The following TBC1D20 variants were observed in gnomAD, a reference collection of about 807,000 sequenced individuals.
TBC1D20 encodes the protein chromosome 20 open reading frame 140.
In TBC1D20, 12 loss-of-function variants were observed where a neutral mutation model predicts 41.6. The ratio of observed to expected loss-of-function variants is 0.29; its 90% CI spans 0.18 to 0.47. The LOEUF (loss-of-function observed/expected upper bound fraction) is 0.47, where lower values mean the gene tolerates loss of function less well. Among genes scored for constraint, TBC1D20 ranks in the 20% least tolerant of loss-of-function variants. The pLI, the probability that TBC1D20 is intolerant of heterozygous loss-of-function variation, is 1.00. For synonymous variants in TBC1D20, 205 were observed against 204.8 expected (o/e 1.00, Z -0.01); for missense variants, 421 against 517.4 (o/e 0.81, Z 1.81).
intron 1 of TBC1D20, among the ~76,000 whole-genome samples, chr20:455,143 T>G (rs866519291): frequency 2.0e-5 from 3 of 152,186 alleles, no homozygotes; most frequent in Non-Finnish European, 4.4e-5. Context: ...AAACCTGTCC[T>G]CCTGGCTTGA....
intron 1 of TBC1D20, among the ~76,000 whole-genome samples, chr20:455,060 C>T (rs1258984046): frequency 6.6e-6 from 1 of 152,170 alleles, no homozygotes; most frequent in East Asian, 1.9e-4. Flanking sequence ...TAAACAGAGG[C>T]ACTAGCTGGT....
chr20:438,788 G>C lies in TBC1D20; in HGVS notation c.1010C>G (p.Pro337Arg), dbSNP rs758369569. ...DFELASAQQRPDMVLRQRFRG... is the reference protein window; with the variant it reads ...DFELASAQQRRDMVLRQRFRG... ...AAACCGCTGCCGCAGCACCATATCA[G>C]GCCTCTGCTGGGCTGATGCCAGCTC... Residue 337 changes from proline (P) to arginine (R), a missense_variant, in exon 8 of 8, where the codon CCT becomes CGT. Transcript: ENST00000354200. 7.4e-6 allele frequency: 12 copies of C among 1,614,222 alleles called. No individual in the cohort carries two copies. Among genetic ancestry groups the C allele is most frequent in the South Asian group, 1.1e-5 (1 of 91,084 alleles).
intron 1 of TBC1D20, among the ~76,000 whole-genome samples, chr20:461,923 G>T (rs1156932695): frequency 3.3e-5 from 5 of 152,274 alleles, no homozygotes; most frequent in Admixed American, 6.5e-5. Flanking sequence ...GCCGGCGACG[G>T]TGAATGCAGT....
chr20:452,520 G>C (rs1295875826), intron 1 of TBC1D20, among the ~76,000 whole-genome samples: 1 of 151,868 alleles, frequency 6.6e-6, no homozygotes, highest in Non-Finnish European at 1.5e-5. Flanking sequence ...AGGAGGCTGG[G>C]GCGAGAGGAT....
At position 457,864 on chromosome 20, in the gene TBC1D20, G is replaced by C. The variant is rs148844322; in HGVS notation, c.70+4472C>G. Among the ~76,000 whole-genome samples, 432 of 152,338 alleles carry C rather than the reference G, an allele frequency of 2.8e-3. 3 individuals carry two copies. The highest frequency in any genetic ancestry group is 9.9e-3 in the African/African-American group (413 of 41,572). ...GGGTCAAAAACATGCAGGAAACAGA[G>C]AAGCCTTTTTATATAACATCGGTGG... On this transcript the variant is annotated intron_variant, in intron 1 of 7. Transcript: ENST00000354200.
At chr20:448,102 G>A (rs773252400) in intron 1 of TBC1D20, 28 bp from the exon 2 acceptor site, 5 of 1,564,798 alleles carry the variant, frequency 3.2e-6, no homozygotes, top group East Asian at 2.3e-5. Context: ...GAAGAATTAG[G>A]CGCACATTCA....
rs201100995 is a variant in TBC1D20 at position 438,782 on chromosome 20, A to T, written c.1016T>A (p.Met339Lys). The T allele has an allele frequency of 1.9e-6, 3 of 1,614,222 alleles. No homozygotes were observed. The highest frequency in any genetic ancestry group is 1.7e-6 in the Non-Finnish European group (2 of 1,180,042). ...ELASAQQRPD[M>K]VLRQRFRGLL... Reference sequence around the variant, plus strand: ...TCCCCGAAACCGCTGCCGCAGCACCATATCAGGCCTCTGCTGGGCTGATGC... The same window carrying T: ...TCCCCGAAACCGCTGCCGCAGCACCTTATCAGGCCTCTGCTGGGCTGATGC... Residue 339 changes from methionine (M) to lysine (K), a missense_variant, in exon 8 of 8, where the codon ATG becomes AAG. Around this residue, in one of 3 missense-constraint regions of TBC1D20, gnomAD observed 161 missense variants for 182.7 expected, o/e 0.88. Transcript: ENST00000354200.
intron 1 of TBC1D20, among the ~76,000 whole-genome samples, chr20:457,092 A>G (rs1042723487): frequency 1.1e-4 from 16 of 151,592 alleles, no homozygotes; most frequent in Non-Finnish European, 1.8e-4. Flanking sequence ...ATGCACCACC[A>G]TGCCTGGCTA....
At chr20:457,733 G>A (rs544625678) in intron 1 of TBC1D20, among the ~76,000 whole-genome samples, 7 of 152,298 alleles carry the variant, frequency 4.6e-5, no homozygotes, top group African/African-American at 7.2e-5. Context: ...GATTCATCCC[G>A]CAAAGGAGTC....
intron 1 of TBC1D20, among the ~76,000 whole-genome samples, chr20:457,214 G>A (rs1568466959): frequency 6.6e-6 from 1 of 151,940 alleles, no homozygotes; most frequent in Non-Finnish European, 1.5e-5. Context: ...AGGATTACAG[G>A]CATGAGCCAC....
intron 1 of TBC1D20, among the ~76,000 whole-genome samples, chr20:448,414 G>A (rs759724846): frequency 2.0e-5 from 3 of 152,150 alleles, no homozygotes; most frequent in Non-Finnish European, 2.9e-5. Context: ...GTGTCGGCTG[G>A]GTGTGGTGGC....
chr20:460,910 T>C (rs1472671829), intron 1 of TBC1D20, among the ~76,000 whole-genome samples: 1 of 151,224 alleles, frequency 6.6e-6, no homozygotes, highest in Non-Finnish European at 1.5e-5. Context: ...ACAAGACCCA[T>C]GCTGCCTAGG....
Position 435,598 on chromosome 20 carries a change from G to A in TBC1D20, c.*2988C>T, listed in dbSNP as rs1285246446. On this transcript the variant is annotated 3_prime_UTR_variant, in exon 8 of 8. Transcript: ENST00000354200. The stretch of plus-strand genomic sequence containing the variant: ...GTCCTGGGCAAATGCTGGAGCTTCT[G>A]TCCCCATGGAGTGGGGGTGCGCCAC... 1 of 153,664 alleles carries A rather than the reference G, an allele frequency of 6.5e-6. No homozygotes were observed. Among genetic ancestry groups the A allele is most frequent in the Non-Finnish European group, 1.5e-5 (1 of 68,062 alleles). 9.5% of individuals were successfully genotyped at this position (153,664 alleles called of 1,614,324 possible). A position where few individuals can be genotyped will look rare whatever the true frequency, so the allele number is the denominator to read the frequency against.
intron 2 of TBC1D20, 65 bp downstream of exon 2, chr20:447,824 C>T (rs1600335144): frequency 3.6e-6 from 5 of 1,401,544 alleles, no homozygotes; most frequent in Middle Eastern, 2.6e-4. Flanking sequence ...AATTAAAGAT[C>T]CTGGAATTCT....
chr20:453,170 A>C (rs1210922844), intron 1 of TBC1D20, among the ~76,000 whole-genome samples: 1 of 141,834 alleles, frequency 7.1e-6, no homozygotes, highest in Non-Finnish European at 1.5e-5. Flanking sequence ...AAAAAAAAAA[A>C]AAAAAAAAAA....
In TBC1D20 at chr20:440,421, C is replaced by T. The variant is rs116835520; in HGVS notation, c.627-32G>A. On this transcript the variant is annotated intron_variant, in intron 5 of 7. Transcript: ENST00000354200. ...ACAAAGGAAAGGCAGGTGTCAGGTC[C>T]TGTGGGCCATCCCTTCCCTCTCTCT... 9.5e-4 allele frequency: 1,525 copies of T among 1,612,584 alleles called. 10 individuals carry two copies. In the African/African-American group the frequency reaches 0.017, roughly 18 times the overall value.
In TBC1D20 at chr20:442,027, C is replaced by G. The variant is rs1430906100; in HGVS notation, c.354G>C (p.Gln118His). Residue 118 changes from glutamine (Q) to histidine (H), a missense_variant, in exon 4 of 8, where the codon CAG becomes CAC. Gln to His is a conservative substitution (Grantham distance 24). Coordinates refer to ENST00000354200, the MANE Select transcript of TBC1D20 (RefSeq NM_144628.4). ...TCAGTTCTTCCTGGAGCCCTTCTCTCTGTTCCTCTGGCATGCCTGGGGACA... is the reference window on the plus strand; with the variant it reads ...TCAGTTCTTCCTGGAGCCCTTCTCTGTGTTCCTCTGGCATGCCTGGGGACA... ...RRFPPGMPEE[Q>H]REGLQEELID... is the part of the protein sequence containing the mutation. 5.0e-6 allele frequency: 8 copies of G among 1,612,620 alleles called. No homozygotes were observed. In the Admixed American group the frequency reaches 1.3e-4, roughly 27 times the overall value.
intron 4 of TBC1D20, 64 bp from the exon 5 acceptor site, chr20:441,753 G>A: frequency 6.3e-7 from 1 of 1,595,352 alleles, no homozygotes. Context: ...AGGGTGGCGA[G>A]GGCTCAAACT....
intron 1 of TBC1D20, among the ~76,000 whole-genome samples, chr20:453,978 C>T (rs540860592): frequency 6.7e-5 from 10 of 148,780 alleles, no homozygotes; most frequent in East Asian, 3.9e-4. Flanking sequence ...CGGTGGCTCA[C>T]GCCTGCAATT....
Sources: allele counts gnomAD v4.1 joint callset (sites outside exome capture counted in the v4.1 genomes callset), GRCh38; gene constraint gnomAD v4.1.1; regional missense constraint gnomAD v4.1.1; transcripts MANE v1.5; gene names NCBI Gene and HGNC (gene_info 2026-07-23, HGNC 2026-07-21).